CAMK4: variants seen among roughly 807,000 people sequenced by gnomAD.
The protein encoded by CAMK4 is calcium/calmodulin-dependent protein kinase type IV.
CAMK4 carries 22 observed loss-of-function variants against 44.9 expected under a neutral mutation model. That is an observed-to-expected ratio of 0.49 (90% CI 0.35 to 0.70). The LOEUF (loss-of-function observed/expected upper bound fraction) is 0.70. Ranked by LOEUF, CAMK4 falls within the 30% of genes least tolerant of loss-of-function variation. CAMK4 has a pLI of 0.01. For missense variants in CAMK4, 498 were observed against 586.8 expected (o/e 0.85, Z 1.56); for synonymous variants, 218 against 215.4 (o/e 1.01, Z -0.11).
At chr5:111,382,281 C>A (rs1751446492) in intron 4 of CAMK4, among the ~76,000 whole-genome samples, 1 of 152,094 alleles carries the variant, frequency 6.6e-6, no homozygotes, top group Non-Finnish European at 1.5e-5. Flanking sequence ...TTCAGCATTT[C>A]TAGATCTCTC....
At chr5:111,442,516 A>G (rs1477648229) in intron 5 of CAMK4, among the ~76,000 whole-genome samples, 1 of 34,448 alleles carries the variant, frequency 2.9e-5, no homozygotes, top group African/African-American at 1.0e-4. Flanking sequence ...AAAAACCAAA[A>G]CATATATATA....
chr5:111,353,725 G>A (rs1353168670), intron 2 of CAMK4, among the ~76,000 whole-genome samples: 1 of 130,140 alleles, frequency 7.7e-6, no homozygotes, highest in African/African-American at 2.5e-5. Context: ...ATCTGAAAAA[G>A]AAATTAAGAA....
intron 1 of CAMK4, among the ~76,000 whole-genome samples, chr5:111,323,848 A>C (rs1748763903): frequency 6.6e-6 from 1 of 152,094 alleles, no homozygotes; most frequent in Non-Finnish European, 1.5e-5. Flanking sequence ...AATGTAGGTA[A>C]TATGAGAGAC....
chr5:111,264,715 C>G (rs1252992848), intron 1 of CAMK4, among the ~76,000 whole-genome samples: 1 of 151,920 alleles, frequency 6.6e-6, no homozygotes, highest in Non-Finnish European at 1.5e-5. Flanking sequence ...AGATTGAGCC[C>G]TCTTCTTTCA....
At chr5:111,275,910 G>A (rs1427548702) in intron 1 of CAMK4, among the ~76,000 whole-genome samples, 1 of 151,946 alleles carries the variant, frequency 6.6e-6, no homozygotes, top group East Asian at 1.9e-4. Flanking sequence ...GTACAACTCT[G>A]ATATATCAAT....
At chr5:111,264,774 A>G (rs1032178076) in intron 1 of CAMK4, among the ~76,000 whole-genome samples, 11 of 152,120 alleles carry the variant, frequency 7.2e-5, no homozygotes, top group African/African-American at 2.7e-4. Context: ...CAGGTACTCA[A>G]GCAGCATAGG....
chr5:111,322,491 A>G, intron 1 of CAMK4, among the ~76,000 whole-genome samples: 1 of 152,212 alleles, frequency 6.6e-6, no homozygotes, highest in East Asian at 1.9e-4. Flanking sequence ...AGGATTTATC[A>G]GCAATGTAAC....
chr5:111,259,074 T>C (rs1749867675), intron 1 of CAMK4, among the ~76,000 whole-genome samples: 1 of 152,166 alleles, frequency 6.6e-6, no homozygotes, highest in Non-Finnish European at 1.5e-5. Context: ...TTTCCAATTC[T>C]ACTCTCACCC....
intron 1 of CAMK4, among the ~76,000 whole-genome samples, chr5:111,264,648 C>A (rs1374585103): frequency 6.6e-6 from 1 of 152,090 alleles, no homozygotes; most frequent in Non-Finnish European, 1.5e-5. Flanking sequence ...AGCTTGCTGT[C>A]CTCTCTTGTC....
chr5:111,396,631 CTTTTTTTT>C lies in CAMK4; in HGVS notation c.459+1869_459+1876del, dbSNP rs540495109. 3.3e-3 allele frequency among the ~76,000 whole-genome samples: 154 copies of C among 47,014 alleles called. 2 individuals carry two copies. The highest frequency in any genetic ancestry group is 3.8e-3 in the Non-Finnish European group (107 of 27,860). 30.8% of individuals were successfully genotyped at this position (47,014 alleles called of 152,430 possible). On this transcript the variant is annotated intron_variant, in intron 5 of 10. Transcript: ENST00000282356. ...ACTTTAATTGCCATTAACTCATATT[CTTTTTTTT>C]TTTTTTTTTTTTTTTTTTTGAGATG... is the stretch of plus-strand genomic sequence containing the variant.
intron 5 of CAMK4, among the ~76,000 whole-genome samples, chr5:111,405,720 G>A (rs1348897415): frequency 2.6e-5 from 4 of 152,184 alleles, no homozygotes; most frequent in African/African-American, 9.7e-5. Flanking sequence ...TGATTCTGCA[G>A]ATGAAGAGGT....
At chr5:111,330,557 A>G (rs1749123154) in intron 1 of CAMK4, among the ~76,000 whole-genome samples, 1 of 151,632 alleles carries the variant, frequency 6.6e-6, no homozygotes, top group Non-Finnish European at 1.5e-5. Flanking sequence ...TTACAAGGAA[A>G]AGTAGAATAA....
intron 1 of CAMK4, among the ~76,000 whole-genome samples, chr5:111,292,555 C>G (rs1242986729): frequency 1.3e-5 from 2 of 151,962 alleles, no homozygotes; most frequent in African/African-American, 4.8e-5. Context: ...ATATTTTTCT[C>G]TGTTTAATAG....
intron 1 of CAMK4, among the ~76,000 whole-genome samples, chr5:111,263,891 C>CT (rs544929086): frequency 3.8e-4 from 58 of 152,250 alleles, no homozygotes; most frequent in South Asian, 2.1e-3. Flanking sequence ...TTTTAAAGCA[C>CT]TTTCATAGTA....
chr5:111,424,431 ATTCT>A (rs1753141195), intron 5 of CAMK4, among the ~76,000 whole-genome samples: 1 of 110,326 alleles, frequency 9.1e-6, no homozygotes, highest in Non-Finnish European at 1.9e-5. Flanking sequence ...TGCATCTTCT[ATTCT>A]TTTTTTTTTT....
intron 2 of CAMK4, chr5:111,365,306 A>G (rs1750750838): frequency 6.6e-6 from 1 of 152,116 alleles, no homozygotes; most frequent in Non-Finnish European, 1.5e-5. Flanking sequence ...TGAAATCAAG[A>G]TTTGTGATGT....
At chr5:111,226,719 A>G (rs1748210146) in intron 1 of CAMK4, among the ~76,000 whole-genome samples, 1 of 152,264 alleles carries the variant, frequency 6.6e-6, no homozygotes, top group African/African-American at 2.4e-5. Context: ...AACACTCTAG[A>G]GTTCCGGTTG....
intron 7 of CAMK4, among the ~76,000 whole-genome samples, chr5:111,463,809 G>A (rs1580787569): frequency 6.6e-6 from 1 of 152,158 alleles, no homozygotes; most frequent in African/African-American, 2.4e-5. Context: ...ACAGCATCAA[G>A]GGAGTATAGT....
chr5:111,230,147 C>G (rs1348001794), intron 1 of CAMK4, among the ~76,000 whole-genome samples: 4 of 152,158 alleles, frequency 2.6e-5, no homozygotes, highest in Non-Finnish European at 4.4e-5. Flanking sequence ...TCTCTTCTCC[C>G]TAAAACTTGC....
Sources: allele counts gnomAD v4.1 joint callset (sites outside exome capture counted in the v4.1 genomes callset), GRCh38; gene constraint gnomAD v4.1.1; transcripts MANE v1.5; gene names NCBI Gene and HGNC (gene_info 2026-07-23, HGNC 2026-07-21).